Variants in ENPP2 observed in about 807,000 individuals in gnomAD.
The protein encoded by ENPP2 is autotaxin.
A neutral mutation model predicts 120.2 loss-of-function variants in ENPP2; 51 were observed. That is an observed-to-expected ratio of 0.42 (90% CI 0.34 to 0.54). The LOEUF is 0.54. ENPP2 is among the 20% of genes least tolerant of loss of function. ENPP2 has a pLI of 0.04. For missense variants in ENPP2, 920 were observed against 1,066.5 expected (o/e 0.86, Z 1.91); for synonymous variants, 365 against 366.4 (o/e 1.00, Z 0.04).
At chr8:119,603,209 T>G (rs147227349) in intron 9 of ENPP2, among the ~76,000 whole-genome samples, 67 of 136,920 alleles carry the variant, frequency 4.9e-4, no homozygotes, top group Middle Eastern at 3.6e-3. Context: ...ATTGCATACT[T>G]TGAATTCTTT....
chr8:119,578,977 A>T (rs1464916863), intron 19 of ENPP2, among the ~76,000 whole-genome samples: 1 of 152,228 alleles, frequency 6.6e-6, no homozygotes, highest in Non-Finnish European at 1.5e-5. Context: ...ATGTAAGCTA[A>T]TAACTCAAGC....
intron 9 of ENPP2, 71 bp from the exon 10 acceptor site, chr8:119,601,533 G>C: frequency 8.9e-7 from 1 of 1,123,466 alleles, no homozygotes. Context: ...AGGAGTGCTC[G>C]CTCTTGCACC....
At chr8:119,620,793 G>A (rs1815837859) in intron 4 of ENPP2, among the ~76,000 whole-genome samples, 1 of 152,128 alleles carries the variant, frequency 6.6e-6, no homozygotes, top group Admixed American at 6.5e-5. Context: ...ATGGCTTTGG[G>A]GTATAACAGG....
Position 119,557,706 on chromosome 8 carries a change from GA to G in ENPP2, c.2422-16del, listed in dbSNP as rs1358238372. 2.6e-6 allele frequency: 4 copies of G among 1,524,498 alleles called. No homozygotes were observed. Among genetic ancestry groups the G allele is most frequent in the Non-Finnish European group, 3.5e-6 (4 of 1,143,056 alleles). The allele number at this position is 1,524,498 out of a possible 1,614,324, so 94.4% of individuals were successfully genotyped here. ...TCCTCTGAGCTCTGCAATGGAAACA[GA>G]ACAAAATCAGAATCAGAATTTTCCA... On this transcript the variant is annotated splice_polypyrimidine_tract_variant and intron_variant, in intron 24 of 24. Coordinates refer to ENST00000075322, the MANE Select transcript of ENPP2 (RefSeq NM_001040092.3).
intron 23 of ENPP2, 134 bp downstream of exon 23, chr8:119,564,689 T>C (rs559634701): frequency 0.037 from 11,968 of 327,834 alleles, 782 homozygotes; most frequent in South Asian, 0.13. Flanking sequence ...AAAAAATATA[T>C]ATATATATAT....
At chr8:119,584,636 A>G (rs1812981744) in intron 15 of ENPP2, among the ~76,000 whole-genome samples, 1 of 152,202 alleles carries the variant, frequency 6.6e-6, no homozygotes, top group Admixed American at 6.5e-5. Context: ...ACTTAACAGT[A>G]ATCATGACAT....
intron 1 of ENPP2, among the ~76,000 whole-genome samples, chr8:119,664,446 T>C (rs929606694): frequency 6.6e-6 from 1 of 152,038 alleles, no homozygotes; most frequent in East Asian, 1.9e-4. Flanking sequence ...ATAATGGAAA[T>C]GAAAATGATT....
In ENPP2 at chr8:119,570,834, G is replaced by T; in HGVS notation, c.1788C>A (p.His596Gln). 1 of 1,544,630 alleles carries T rather than the reference G, an allele frequency of 6.5e-7. No individual in the cohort carries two copies. Among genetic ancestry groups the T allele is most frequent in the Non-Finnish European group, 8.7e-7 (1 of 1,153,650 alleles). ...GCACTGCAGGTCGCCCATAGAGGAG[G>T]TGTCTCTCTAAAAAAGAAAAAAAAT... The part of the protein sequence containing the change: ...LHTKGSTEER[H>Q]LLYGRPAVLY... The change falls in exon 20 of 25, where the codon CAC becomes CAA. Residue 596 changes from histidine to glutamine, a missense_variant. By Grantham distance (24) the His-to-Gln change is conservative. Transcript: ENST00000075322.
intron 2 of ENPP2, among the ~76,000 whole-genome samples, chr8:119,634,082 C>G (rs1816848875): frequency 6.6e-6 from 1 of 152,088 alleles, no homozygotes; most frequent in African/African-American, 2.4e-5. Flanking sequence ...ACTCGGGAGG[C>G]TGAGGCAGGA....
At chr8:119,611,961 G>A (rs776207288) in intron 8 of ENPP2, among the ~76,000 whole-genome samples, 1 of 152,130 alleles carries the variant, frequency 6.6e-6, no homozygotes, top group African/African-American at 2.4e-5. Context: ...CCCGGGAGGC[G>A]GAGGTTGCTG....
intron 22 of ENPP2, among the ~76,000 whole-genome samples, 180 bp from the exon 23 acceptor site, chr8:119,565,135 A>C (rs2129984774): frequency 6.6e-6 from 1 of 152,226 alleles, no homozygotes; most frequent in Admixed American, 6.5e-5. Flanking sequence ...TCATTTACAA[A>C]CCAGCAAAGG....
intron 24 of ENPP2, among the ~76,000 whole-genome samples, chr8:119,562,136 CA>C (rs879796217): frequency 6.9e-4 from 90 of 130,726 alleles, no homozygotes; most frequent in Non-Finnish European, 6.2e-4. Flanking sequence ...GACTCCGCCT[CA>C]AAAAAAAAAA....
intron 11 of ENPP2, among the ~76,000 whole-genome samples, chr8:119,598,801 A>T (rs16892849): frequency 6.6e-6 from 1 of 152,138 alleles, no homozygotes; most frequent in Non-Finnish European, 1.5e-5. Context: ...AAATGGTTCC[A>T]TGGAAGGGAG....
chr8:119,672,406 G>A (rs1216479566), intron 1 of ENPP2, among the ~76,000 whole-genome samples: 1 of 152,140 alleles, frequency 6.6e-6, no homozygotes, highest in African/African-American at 2.4e-5. Context: ...GTGAGAAGCG[G>A]CTCTTGCTTC....
At chr8:119,573,408 T>TAAAA (rs35227070) in intron 19 of ENPP2, among the ~76,000 whole-genome samples, 4 of 124,384 alleles carry the variant, frequency 3.2e-5, no homozygotes, top group African/African-American at 1.0e-4. Context: ...CTCCGTCTCT[T>TAAAA]AAAAAAAAAA....
chr8:119,627,346 C>A (rs923921784), intron 2 of ENPP2, among the ~76,000 whole-genome samples: 17 of 152,048 alleles, frequency 1.1e-4, no homozygotes, highest in African/African-American at 4.1e-4. Context: ...TATCAGAAAT[C>A]AAAAGAATCA....
upstream of ENPP2, chr8:119,638,870 T>C (rs1315012213): frequency 1.3e-6 from 2 of 1,550,164 alleles, no homozygotes; most frequent in African/African-American, 2.7e-5. Context: ...GTCTATTAAC[T>C]ATAAGCAATC....
chr8:119,663,952 A>G (rs1301120481), intron 1 of ENPP2, among the ~76,000 whole-genome samples: 1 of 152,226 alleles, frequency 6.6e-6, no homozygotes, highest in African/African-American at 2.4e-5. Flanking sequence ...TGGGTAGTCA[A>G]ACTGTGTACT....
At chr8:119,664,452 T>C (rs1056144263) in intron 1 of ENPP2, among the ~76,000 whole-genome samples, 18 of 152,006 alleles carry the variant, frequency 1.2e-4, no homozygotes, top group African/African-American at 4.4e-4. Flanking sequence ...GAAATGAAAA[T>C]GATTTGCAAG....
Sources: allele counts gnomAD v4.1 joint callset (sites outside exome capture counted in the v4.1 genomes callset), GRCh38; gene constraint gnomAD v4.1.1; transcripts MANE v1.5; gene names NCBI Gene and HGNC (gene_info 2026-07-23, HGNC 2026-07-21).